Variants in KIF14 observed in about 807,000 individuals in gnomAD.
The protein encoded by KIF14 is kinesin family member 14.
In KIF14, 98 loss-of-function variants were observed where a neutral mutation model predicts 176.2. That is an observed-to-expected ratio of 0.56 (90% CI 0.47 to 0.66). The LOEUF (loss-of-function observed/expected upper bound fraction) is 0.66, where lower values mean the gene tolerates loss of function less well. Ranked by LOEUF, KIF14 falls within the 30% of genes least tolerant of loss-of-function variation. KIF14 has a pLI of 0.00. For missense variants in KIF14, 1,751 were observed against 1,920.4 expected (o/e 0.91, Z 1.65); for synonymous variants, 566 against 632.2 (o/e 0.90, Z 1.57).
chr1:200,567,526 T>C, intron 23 of KIF14, among the ~76,000 whole-genome samples: 1 of 96,522 alleles, frequency 1.0e-5, no homozygotes. Context: ...AGAGCGAGAC[T>C]CCGTCTAAAA....
At chr1:200,573,427 CTTTTTTTTT>C (rs869174532) in intron 22 of KIF14, among the ~76,000 whole-genome samples, 3 of 77,746 alleles carry the variant, frequency 3.9e-5, no homozygotes, top group East Asian at 3.2e-4. Context: ...GAGCTCATTT[CTTTTTTTTT>C]TTTTTTTTTT....
rs773415718 is a variant in KIF14 at position 200,553,767 on chromosome 1, C to T, written c.4568G>A (p.Gly1523Glu). Residue 1523 changes from glycine (G) to glutamate (E), a missense_variant and splice_region_variant, in exon 30 of 30, where the codon GGA (glycine) becomes GAA (glutamate). Coordinates refer to ENST00000367350, the MANE Select transcript of KIF14 (RefSeq NM_014875.3). ...GAGAAGATTTATATCACTATGGCAT[C>T]CTATATGCAAGAGAGGAGGGAAAAG... is the stretch of plus-strand genomic sequence containing the variant. ...AIEIIISALK[G>E]CHSDINLLQT... 15 of 1,587,176 alleles carry T rather than the reference C, an allele frequency of 9.5e-6. No individual in the cohort carries two copies. The African/African-American group carries it at 1.5e-4, about 16-fold the overall frequency.
At chr1:200,615,287 C>A (rs911747574) in intron 3 of KIF14, 68 bp downstream of exon 3, 1 of 1,429,582 alleles carries the variant, frequency 7.0e-7, no homozygotes, top group South Asian at 1.3e-5. Context: ...TTTCTATCAC[C>A]CCTATGCCAC....
intron 10 of KIF14, among the ~76,000 whole-genome samples, chr1:200,602,663 T>C (rs950367945): frequency 6.6e-6 from 1 of 152,220 alleles, no homozygotes; most frequent in African/African-American, 2.4e-5. Context: ...GCAGTCCTTA[T>C]TGTAACTGTA....
intron 21 of KIF14, among the ~76,000 whole-genome samples, chr1:200,579,615 A>T (rs1015596331): frequency 8.6e-5 from 13 of 151,534 alleles, no homozygotes; most frequent in East Asian, 1.9e-4. Context: ...ATTTCAAAAA[A>T]ATATATATAT....
intron 3 of KIF14, 51 bp downstream of exon 3, chr1:200,615,304 C>CTCACTTAAATAT: frequency 1.3e-6 from 2 of 1,543,420 alleles, no homozygotes; most frequent in Non-Finnish European, 1.8e-6. Flanking sequence ...CCACTTCTCA[C>CTCACTTAAATAT]AAAAGTATAT....
intron 4 of KIF14, among the ~76,000 whole-genome samples, chr1:200,610,824 A>G (rs561140897): frequency 2.6e-5 from 4 of 152,318 alleles, no homozygotes; most frequent in East Asian, 3.9e-4. Flanking sequence ...ATGGCCAGAG[A>G]AAAGGGAAGG....
Position 200,601,986 on chromosome 1 carries a change from T to C in KIF14, c.2062A>G (p.Thr688Ala). ...TTAGCATATCTAAGTGTGCTTAATGTTTCTTCTATGTTGCTGGCAGCGGGA... is the reference window on the plus strand; with the variant it reads ...TTAGCATATCTAAGTGTGCTTAATGCTTCTTCTATGTTGCTGGCAGCGGGA... ...ISPAASNIEE[T>A]LSTLRYANQA... The change falls in exon 11 of 30, where the codon ACA (threonine) becomes GCA (alanine). Residue 688 changes from threonine to alanine, a missense_variant. Transcript: ENST00000367350. 3 of 1,614,002 alleles carry C rather than the reference T, an allele frequency of 1.9e-6. No individual in the cohort carries two copies. Among genetic ancestry groups the C allele is most frequent in the Non-Finnish European group, 2.5e-6 (3 of 1,179,930 alleles).
intron 3 of KIF14, 140 bp from the exon 4 acceptor site, chr1:200,614,545 C>T: frequency 3.4e-6 from 2 of 586,952 alleles, no homozygotes; most frequent in Admixed American, 3.1e-5. Context: ...GGAGTCAAAT[C>T]TGCCTGAGTC....
At chr1:200,601,113 C>T (rs948647778) in intron 11 of KIF14, among the ~76,000 whole-genome samples, 1 of 152,156 alleles carries the variant, frequency 6.6e-6, no homozygotes, top group African/African-American at 2.4e-5. Context: ...GAACTCCTGA[C>T]CTTAAGTAGT....
Position 200,565,523 on chromosome 1 carries a change from T to G in KIF14, c.3808A>C (p.Ser1270Arg), listed in dbSNP as rs75449932. ...AGCCCATTATAAATTTTAAGAAAAC[T>G]ATTAATTAGGCTGTCTGCTATAGTT... ...ERTIADSLINSFLKIYNGLFA... is the reference protein window; with the variant it reads ...ERTIADSLINRFLKIYNGLFA... The change falls in exon 24 of 30, where the codon AGT (serine) becomes CGT (arginine). Residue 1270 changes from serine (S) to arginine (R), a missense_variant. By Grantham distance (110) the Ser-to-Arg change is moderately radical. Coordinates refer to ENST00000367350, the MANE Select transcript of KIF14 (RefSeq NM_014875.3). 10,372 of 1,610,398 alleles carry G rather than the reference T, an allele frequency of 6.4e-3. 57 individuals are homozygous for G. Among genetic ancestry groups the G allele is most frequent in the Non-Finnish European group, 7.7e-3 (9,056 of 1,179,052 alleles).
At chr1:200,610,779 ATAAATATGAC>A (rs1404166789) in intron 4 of KIF14, among the ~76,000 whole-genome samples, 1 of 152,196 alleles carries the variant, frequency 6.6e-6, no homozygotes, top group Non-Finnish European at 1.5e-5. Context: ...TGAGATGACT[ATAAATATGAC>A]TAATCAGAAA....
At chr1:200,601,524 A>G (rs575601127) in intron 11 of KIF14, among the ~76,000 whole-genome samples, 3 of 152,356 alleles carry the variant, frequency 2.0e-5, no homozygotes, top group African/African-American at 7.2e-5. Flanking sequence ...GGATCAATGA[A>G]CTAAGCATGA....
At position 200,606,038 on chromosome 1, in the gene KIF14, G is replaced by T. The variant is rs1659864720; in HGVS notation, c.1608-144C>A. 11 of 444,736 alleles carry T rather than the reference G, an allele frequency of 2.5e-5. No homozygotes were observed. In the East Asian group the frequency reaches 3.8e-4, roughly 16 times the overall value. 27.5% of individuals were successfully genotyped at this position (444,736 alleles called of 1,614,324 possible). On this transcript the variant is annotated intron_variant, in intron 6 of 29. Transcript: ENST00000367350. ...GAATATTATTTTATTGATTCTCCCAGAATCTTTTATTTTCCCCATTCTTGA... is the reference window on the plus strand; with the variant it reads ...GAATATTATTTTATTGATTCTCCCATAATCTTTTATTTTCCCCATTCTTGA...
intron 4 of KIF14, among the ~76,000 whole-genome samples, chr1:200,613,737 C>T (rs750836763): frequency 1.1e-4 from 16 of 151,986 alleles, no homozygotes; most frequent in Admixed American, 2.0e-4. Context: ...CAAGAATCCC[C>T]GGTGATTCTT....
chr1:200,591,325 T>A (rs1473628550), intron 16 of KIF14, among the ~76,000 whole-genome samples: 2 of 152,136 alleles, frequency 1.3e-5, no homozygotes, highest in Non-Finnish European at 2.9e-5. Flanking sequence ...TCACACTATA[T>A]TTACCTTACT....
intron 27 of KIF14, among the ~76,000 whole-genome samples, chr1:200,557,162 C>G (rs1032438149): frequency 6.6e-6 from 1 of 152,122 alleles, no homozygotes; most frequent in Non-Finnish European, 1.5e-5. Context: ...CACCACCACG[C>G]TCAGCTAATT....
rs567988103 is a variant in KIF14, at chr1:200,597,222, G to A, written c.2549+1015C>T. Among the ~76,000 whole-genome samples the A allele has an allele frequency of 6.6e-5, 10 of 152,136 alleles. No homozygotes were observed. In the South Asian group the frequency reaches 2.1e-3, roughly 32 times the overall value. On this transcript the variant is annotated intron_variant, in intron 14 of 29. Transcript: ENST00000367350. ...GACATAAAAACTGACAATCATAAAG[G>A]AAAAGACTGATGCCAGGTACTACAA...
chr1:200,581,967 G>T (rs1419601816), intron 19 of KIF14, among the ~76,000 whole-genome samples: 1 of 151,498 alleles, frequency 6.6e-6, no homozygotes, highest in Non-Finnish European at 1.5e-5. Context: ...AGGAGGTTTT[G>T]CCATGTTGCT....
Sources: allele counts gnomAD v4.1 joint callset (sites outside exome capture counted in the v4.1 genomes callset), GRCh38; gene constraint gnomAD v4.1.1; transcripts MANE v1.5; gene names NCBI Gene and HGNC (gene_info 2026-07-23, HGNC 2026-07-21).